The following TAMM41 variants were observed in gnomAD, a reference collection of about 807,000 sequenced individuals.
TAMM41 encodes the protein TAM41 mitochondrial translocator assembly and maintenance homolog.
TAMM41 carries 36 observed loss-of-function variants against 44.1 expected under a neutral mutation model. That is an observed-to-expected ratio of 0.82 (90% confidence interval 0.63 to 1.08). The LOEUF is 1.08. Ranked by LOEUF, TAMM41 falls within the 50% of genes least tolerant of loss-of-function variation. The probability of loss-of-function intolerance (pLI) is 0.00; values close to 1 mark genes in which losing one functional copy is unlikely to be tolerated. For synonymous variants in TAMM41, 164 were observed against 153.1 expected, an observed-to-expected ratio of 1.07 and a Z score of -0.53; for missense variants, 417 against 404.3, an observed-to-expected ratio of 1.03 and a Z score of -0.27.
At chr3:11,734,217 T>A in the TAMM41 span, among the ~76,000 whole-genome samples, 1 of 152,164 alleles carries the variant, frequency 6.6e-6, no homozygotes, top group Non-Finnish European at 1.5e-5. Context: ...GCACCCGGGA[T>A]GACAAGTTGG....
At chr3:11,803,080 T>C (rs1449250770) in intron 7 of TAMM41, among the ~76,000 whole-genome samples, 2 of 152,212 alleles carry the variant, frequency 1.3e-5, no homozygotes, top group Non-Finnish European at 2.9e-5. Flanking sequence ...AAGGCCAGCC[T>C]GGCCAACATG....
chr3:11,778,274 G>T, the TAMM41 span, among the ~76,000 whole-genome samples: 1 of 151,978 alleles, frequency 6.6e-6, no homozygotes, highest in South Asian at 2.1e-4. Context: ...ACCCAGGCTG[G>T]AGTGCAGTGG....
At chr3:11,808,105 T>A in intron 6 of TAMM41, 1 of 1,089,340 alleles carries the variant, frequency 9.2e-7, no homozygotes, top group Non-Finnish European at 1.3e-6. Context: ...GCCACCCGGC[T>A]GTGTGAGTCC....
chr3:11,825,190 A>T (rs896036399), intron 4 of TAMM41, among the ~76,000 whole-genome samples: 1 of 152,240 alleles, frequency 6.6e-6, no homozygotes, highest in Non-Finnish European at 1.5e-5. Context: ...AGTATCCTCA[A>T]ATGAAAAAGG....
chr3:11,748,913 T>TTTA, the TAMM41 span, among the ~76,000 whole-genome samples: 1 of 144,314 alleles, frequency 6.9e-6, no homozygotes. Flanking sequence ...GGAAGTAGAT[T>TTTA]TTTTTTTTTT....
At chr3:11,765,792 C>T in the TAMM41 span, among the ~76,000 whole-genome samples, 1 of 151,634 alleles carries the variant, frequency 6.6e-6, no homozygotes, top group Non-Finnish European at 1.5e-5. Context: ...AGCTCTGCCT[C>T]CCAGGTTCAA....
At chr3:11,832,848 CAA>C (rs2079036412) in intron 3 of TAMM41, among the ~76,000 whole-genome samples, 4 of 152,190 alleles carry the variant, frequency 2.6e-5, no homozygotes, top group Non-Finnish European at 5.9e-5. Context: ...GAGATGCTAA[CAA>C]TTCAAAGATG....
chr3:11,810,340 A>G (rs1411140526), intron 5 of TAMM41, among the ~76,000 whole-genome samples: 1 of 152,228 alleles, frequency 6.6e-6, no homozygotes, highest in East Asian at 1.9e-4. Flanking sequence ...GTATTCTAAA[A>G]CATACTAAGG....
the TAMM41 span, among the ~76,000 whole-genome samples, chr3:11,733,442 G>T: frequency 6.6e-6 from 1 of 152,008 alleles, no homozygotes; most frequent in Non-Finnish European, 1.5e-5. Flanking sequence ...ATCTGGAAGG[G>T]GGTGTTGCAT....
intron 5 of TAMM41, among the ~76,000 whole-genome samples, chr3:11,813,828 A>ATGTGTGTGTGTGTGTG (rs143683206): frequency 2.1e-5 from 3 of 143,106 alleles, no homozygotes; most frequent in Middle Eastern, 3.6e-3. Flanking sequence ...GTACAAATAT[A>ATGTGTGTGTGTGTGTG]TGTGTGTGTG....
chr3:11,820,088 AAC>A lies in TAMM41; in HGVS notation c.563-2753_563-2752del, dbSNP rs554386234. ...GGCATATTACTTTCTAGCATTTTAA[AAC>A]ACATTTATGGGATACACAGATGATG... On this transcript the variant is annotated intron_variant, in intron 4 of 7. Transcript: ENST00000455809. 1.9e-4 allele frequency among the ~76,000 whole-genome samples: 29 copies of A among 152,280 alleles called. No individual in the cohort carries two copies. In the South Asian group the frequency reaches 5.8e-3, roughly 31 times the overall value.
chr3:11,816,840 T>C (rs1161077764), intron 5 of TAMM41, among the ~76,000 whole-genome samples: 1 of 152,108 alleles, frequency 6.6e-6, no homozygotes, highest in Non-Finnish European at 1.5e-5. Context: ...TCTGGGGAGC[T>C]AAATGGGTCT....
chr3:11,751,367 C>A, the TAMM41 span, among the ~76,000 whole-genome samples: 26 of 152,296 alleles, frequency 1.7e-4, no homozygotes, highest in African/African-American at 6.3e-4. Context: ...GCTGGGATTA[C>A]AGGCATGAAC....
chr3:11,765,765 G>A, the TAMM41 span, among the ~76,000 whole-genome samples: 4 of 150,292 alleles, frequency 2.7e-5, no homozygotes, highest in Admixed American at 1.3e-4. Flanking sequence ...GCAGTGGTGT[G>A]ATCTCAGCTC....
At chr3:11,806,433 C>CA (rs777271433) in intron 7 of TAMM41, among the ~76,000 whole-genome samples, 2 of 151,682 alleles carry the variant, frequency 1.3e-5, no homozygotes, top group African/African-American at 2.4e-5. Flanking sequence ...GAATAGGATG[C>CA]AAAAAACAGG....
chr3:11,746,650 T>C, the TAMM41 span, among the ~76,000 whole-genome samples: 11 of 152,082 alleles, frequency 7.2e-5, no homozygotes, highest in Non-Finnish European at 1.5e-4. Flanking sequence ...TATTAATTAA[T>C]TTATTTATTT....
At chr3:11,733,752 C>T in the TAMM41 span, among the ~76,000 whole-genome samples, 1 of 151,970 alleles carries the variant, frequency 6.6e-6, no homozygotes, top group Non-Finnish European at 1.5e-5. Flanking sequence ...GCCTCGGCCT[C>T]CTAAAGTGCT....
intron 3 of TAMM41, among the ~76,000 whole-genome samples, chr3:11,833,816 A>G (rs1428551247): frequency 6.6e-6 from 1 of 152,194 alleles, no homozygotes; most frequent in Non-Finnish European, 1.5e-5. Context: ...GGGTTTTTCT[A>G]TCCACACAAA....
the TAMM41 span, among the ~76,000 whole-genome samples, chr3:11,758,575 T>C: frequency 1.3e-5 from 2 of 152,150 alleles, no homozygotes; most frequent in Admixed American, 6.6e-5. Context: ...TGTCTCAAAT[T>C]CCTGACCTCA....
Sources: gnomAD v4.1 joint callset for allele counts (sites outside exome capture counted in the v4.1 genomes callset) on GRCh38, gnomAD v4.1.1 for gene constraint, MANE v1.5 for transcripts, NCBI Gene and HGNC (gene_info 2026-07-23, HGNC 2026-07-21) for gene names.